ZNF606: variants seen among roughly 807,000 people sequenced by gnomAD.
The protein encoded by ZNF606 is zinc finger protein 606.
Under a neutral mutation model 74.9 loss-of-function variants are expected in ZNF606, and 37 were observed. The ratio of observed to expected loss-of-function variants is 0.49; its 90% confidence interval spans 0.38 to 0.65. The LOEUF (loss-of-function observed/expected upper bound fraction) is 0.65. Ranked by LOEUF, ZNF606 falls within the 30% of genes least tolerant of loss-of-function variation. The pLI, the probability that ZNF606 is intolerant of heterozygous loss-of-function variation, is 0.00. For synonymous variants in ZNF606, 328 were observed against 312.4 expected (o/e 1.05, Z -0.53); for missense variants, 852 against 952.9 (o/e 0.89, Z 1.39).
chr19:57,996,732 C>T (rs1056692563), intron 4 of ZNF606, among the ~76,000 whole-genome samples: 8 of 152,078 alleles, frequency 5.3e-5, no homozygotes, highest in Non-Finnish European at 1.0e-4. Context: ...AAGAGTACTG[C>T]TACAGGGAGG....
intron 4 of ZNF606, chr19:57,998,391 T>C (rs888432446): frequency 6.6e-6 from 1 of 152,136 alleles, no homozygotes; most frequent in African/African-American, 2.4e-5. Context: ...AAAAGAAATA[T>C]TGACACAATG....
At chr19:57,994,942 G>C (rs749298413) in intron 4 of ZNF606, among the ~76,000 whole-genome samples, 11 of 152,076 alleles carry the variant, frequency 7.2e-5, no homozygotes, top group Non-Finnish European at 1.6e-4. Context: ...TCAGCACTTT[G>C]GGAGGCCGAG....
At chr19:57,990,750 C>G (rs759469790) in intron 4 of ZNF606, among the ~76,000 whole-genome samples, 24 of 151,978 alleles carry the variant, frequency 1.6e-4, no homozygotes, top group Non-Finnish European at 3.1e-4. Flanking sequence ...TGGGCCAGAC[C>G]TCCCTGCTGA....
intron 6 of ZNF606, among the ~76,000 whole-genome samples, chr19:57,983,611 A>C (rs1028726173): frequency 6.6e-6 from 1 of 151,774 alleles, no homozygotes; most frequent in Non-Finnish European, 1.5e-5. Context: ...AAGAAATATC[A>C]CTCTGAGATG....
At chr19:57,987,103 T>G (rs896434978) in intron 6 of ZNF606, among the ~76,000 whole-genome samples, 1 of 152,082 alleles carries the variant, frequency 6.6e-6, no homozygotes, top group Non-Finnish European at 1.5e-5. Flanking sequence ...AGATGTTAAT[T>G]GTAATCCCCA....
chr19:58,002,784 G>A lies in ZNF606; in HGVS notation c.-440C>T, dbSNP rs1202981175. The A allele has an allele frequency of 2.2e-6, 1 of 452,884 alleles. No homozygotes were observed. The highest frequency in any genetic ancestry group is 2.4e-5 in the Admixed American group (1 of 42,206). 28.1% of individuals were successfully genotyped at this position (452,884 alleles called of 1,614,324 possible). On this transcript the variant is annotated 5_prime_UTR_variant, in exon 1 of 7. Transcript: ENST00000551380. ...CAGCCTGAGCAAAGGCCTCACCTCA[G>A]CCGCGGACAATGGCGGCTGCTTCCC...
intron 4 of ZNF606, among the ~76,000 whole-genome samples, chr19:57,995,345 A>G (rs751872899): frequency 6.6e-6 from 1 of 152,170 alleles, no homozygotes; most frequent in Non-Finnish European, 1.5e-5. Flanking sequence ...CAATGGGGGA[A>G]AGAGGAACTT....
intron 5 of ZNF606, 81 bp from the exon 6 acceptor site, chr19:57,988,383 C>A: frequency 6.9e-7 from 1 of 1,457,250 alleles, no homozygotes; most frequent in Non-Finnish European, 9.4e-7. Flanking sequence ...CTATTCCTCC[C>A]TGTGACTTCT....
chr19:57,978,528 T>G lies in ZNF606; in HGVS notation c.2152A>C (p.Asn718His), dbSNP rs201487991. The G allele has an allele frequency of 1.8e-5, 29 of 1,614,052 alleles. No individual in the cohort carries two copies. In the Admixed American group the frequency reaches 3.5e-4, roughly 19 times the overall value. Residue 718 changes from asparagine (N) to histidine (H), a missense_variant, in exon 7 of 7, where the codon AAT becomes CAT. Coordinates refer to ENST00000551380, the MANE Select transcript of ZNF606 (RefSeq NM_001348022.3). The surrounding 1 kb of genome is among the most constrained non-coding windows in gnomAD (Gnocchi z 4.4). ...TGTACAATAAGGGATGAACTCTCAT[T>G]AAATGCTTTCCCACATTCATTACAC... ...YRCNECGKAF[N>H]ESSSLIVHLR... is the part of the protein sequence containing the mutation.
Position 57,988,336 on chromosome 19 carries a change from A to G in ZNF606, c.305-34T>C, listed in dbSNP as rs763250943. ...GGAGGAAAAGCATGGAAATCATGTC[A>G]TGAGGCTTCAGGACAGCCAAAGAAA... On this transcript the variant is annotated intron_variant, in intron 5 of 6. Transcript: ENST00000551380. 3.8e-6 allele frequency: 6 copies of G among 1,590,482 alleles called. No individual in the cohort carries two copies. In the Admixed American group the frequency reaches 1.0e-4, roughly 27 times the overall value.
At chr19:57,993,809 C>G (rs1489426634) in intron 4 of ZNF606, among the ~76,000 whole-genome samples, 1 of 152,164 alleles carries the variant, frequency 6.6e-6, no homozygotes, top group Non-Finnish European at 1.5e-5. Flanking sequence ...CAGAACTGAC[C>G]AGCTGACCCT....
Position 57,995,691 on chromosome 19 carries a change from C to T in ZNF606, c.177+4117G>A, listed in dbSNP as rs1040396281. Among the ~76,000 whole-genome samples the T allele has an allele frequency of 6.6e-5, 10 of 152,182 alleles. No homozygotes were observed. The East Asian group carries it at 9.7e-4, about 15-fold the overall frequency. Reference sequence around the variant, plus strand: ...AAAATTAGCCAGATATGGTGGCACACGCCTGCAATCCTAGCTACTTGGGAG... The same window carrying T: ...AAAATTAGCCAGATATGGTGGCACATGCCTGCAATCCTAGCTACTTGGGAG... On this transcript the variant is annotated intron_variant, in intron 4 of 6. Transcript: ENST00000551380.
At chr19:57,992,588 A>G (rs2073276966) in intron 4 of ZNF606, among the ~76,000 whole-genome samples, 1 of 152,236 alleles carries the variant, frequency 6.6e-6, no homozygotes, top group Non-Finnish European at 1.5e-5. Context: ...CTGTAAAAAC[A>G]TATTTTAGAG....
upstream of ZNF606, chr19:58,003,144 C>T: frequency 2.3e-6 from 1 of 435,234 alleles, no homozygotes; most frequent in South Asian, 1.6e-5. Flanking sequence ...TCTCAGCGCT[C>T]TCGAGGGATC....
chr19:58,003,009 C>T (rs1423414970), upstream of ZNF606: 11 of 446,958 alleles, frequency 2.5e-5, no homozygotes, highest in East Asian at 3.5e-4. Context: ...CCCAGACCAC[C>T]CTCCTCCACC....
At chr19:57,992,332 C>A (rs113564110) in intron 4 of ZNF606, among the ~76,000 whole-genome samples, 3,646 of 152,218 alleles carry the variant, frequency 0.024, 140 homozygotes, top group African/African-American at 0.082. Flanking sequence ...CCCACTGATG[C>A]AATGCAGTAT....
chr19:57,987,269 AG>A (rs1320201268), intron 6 of ZNF606, among the ~76,000 whole-genome samples: 2 of 152,094 alleles, frequency 1.3e-5, no homozygotes, highest in African/African-American at 4.8e-5. Context: ...TTTTTCAGAC[AG>A]GGTCTTGCTC....
intron 6 of ZNF606, 108 bp from the exon 7 acceptor site, chr19:57,980,387 G>A (rs1483717671): frequency 8.4e-7 from 1 of 1,186,226 alleles, no homozygotes; most frequent in Admixed American, 2.6e-5. Context: ...GTATAAATTT[G>A]TTTTCAAGTC....
Position 57,980,201 on chromosome 19 carries a change from T to C in ZNF606, c.479A>G (p.Lys160Arg), listed in dbSNP as rs1246674242. The C allele has an allele frequency of 6.2e-7, 1 of 1,614,006 alleles. No individual in the cohort carries two copies. The highest frequency in any genetic ancestry group is 2.2e-5 in the East Asian group (1 of 44,890). Residue 160 changes from lysine (K) to arginine (R), a missense_variant, in exon 7 of 7, where the codon AAG (lysine) becomes AGG (arginine). Physicochemically the swap from Lys to Arg is conservative, Grantham distance 26. Coordinates refer to ENST00000551380, the MANE Select transcript of ZNF606 (RefSeq NM_001348022.3). The part of the protein sequence containing the change: ...IFEEEQSHGM[K>R]LERYIWDDPW... ...ATCATCCCATATATATCTTTCCAAC[T>C]TCATGCCATGGGATTGTTCTTCCTC...
Sources: gnomAD v4.1 joint callset for allele counts (sites outside exome capture counted in the v4.1 genomes callset) on GRCh38, gnomAD v4.1.1 for gene constraint, Gnocchi (gnomAD v3.1) non-coding constraint, MANE v1.5 for transcripts, NCBI Gene and HGNC (gene_info 2026-07-23, HGNC 2026-07-21) for gene names.